Variants in SUSD1 observed in about 807,000 individuals in gnomAD.
SUSD1 encodes the protein sushi domain containing 1, also known as sushi domain-containing protein 1.
A neutral mutation model predicts 86.9 loss-of-function variants in SUSD1; 65 were observed. That is an observed-to-expected ratio of 0.75 (90% confidence interval 0.61 to 0.92). The LOEUF is 0.92. SUSD1 is among the 40% of genes least tolerant of loss of function. The pLI, the probability that SUSD1 is intolerant of heterozygous loss-of-function variation, is 0.00. For missense variants in SUSD1, 850 were observed against 929.7 expected (o/e 0.91, Z 1.11); for synonymous variants, 346 against 350.0 (o/e 0.99, Z 0.13).
chr9:112,081,212 G>A (rs1380917473), intron 10 of SUSD1, among the ~76,000 whole-genome samples: 1 of 152,208 alleles, frequency 6.6e-6, no homozygotes, highest in Non-Finnish European at 1.5e-5. Context: ...TGATTAACGA[G>A]TGATAAAGAC....
intron 5 of SUSD1, among the ~76,000 whole-genome samples, chr9:112,127,556 T>A (rs1414430701): frequency 4.7e-5 from 7 of 150,012 alleles, no homozygotes; most frequent in Non-Finnish European, 7.3e-5. Context: ...AGGGATCCTG[T>A]CTTCCTCTGA....
chr9:112,116,393 A>G (rs1321674375), intron 6 of SUSD1, among the ~76,000 whole-genome samples: 2 of 152,242 alleles, frequency 1.3e-5, no homozygotes, highest in Non-Finnish European at 2.9e-5. Flanking sequence ...TCCTTTATAA[A>G]AGAATCAGAT....
intron 1 of SUSD1, among the ~76,000 whole-genome samples, chr9:112,159,507 C>T (rs1214747573): frequency 2.6e-5 from 4 of 152,040 alleles, no homozygotes; most frequent in Non-Finnish European, 4.4e-5. Context: ...TATCTCAGAC[C>T]GTAAAGACAA....
chr9:112,121,735 T>G (rs1831563699), intron 6 of SUSD1, among the ~76,000 whole-genome samples: 1 of 152,194 alleles, frequency 6.6e-6, no homozygotes, highest in African/African-American at 2.4e-5. Flanking sequence ...GAGATTTCAC[T>G]CTTCAGAGAC....
At chr9:112,161,437 T>A (rs552724562) in intron 1 of SUSD1, among the ~76,000 whole-genome samples, 1 of 151,816 alleles carries the variant, frequency 6.6e-6, no homozygotes, top group South Asian at 2.1e-4. Flanking sequence ...ACTTTCTAAA[T>A]AATGGATCCT....
intron 3 of SUSD1, among the ~76,000 whole-genome samples, chr9:112,143,834 T>C (rs1832690802): frequency 6.6e-6 from 1 of 152,204 alleles, no homozygotes; most frequent in African/African-American, 2.4e-5. Flanking sequence ...ACATAGCAAG[T>C]GCTCAATAAA....
Position 112,078,809 on chromosome 9 carries a change from C to CTGTTTTTTT in SUSD1, c.1567-86_1567-85insAAAAAAACA, listed in dbSNP as rs1554756866. On this transcript the variant is annotated intron_variant, in intron 11 of 16. Coordinates refer to ENST00000374270, the MANE Select transcript of SUSD1 (RefSeq NM_022486.5). ...AAACCTCCCCTTTTCCTTTTTCTTTCTCTTTTTTTTTTTTTTTTTTTGAGA... is the reference window on the plus strand; with the variant it reads ...AAACCTCCCCTTTTCCTTTTTCTTTCTGTTTTTTTTCTTTTTTTTTTTTTTTTTTTGAGA... 53 of 830,164 alleles carry CTGTTTTTTT rather than the reference C, an allele frequency of 6.4e-5. No individual in the cohort carries two copies. In the African/African-American group the frequency reaches 1.2e-3, roughly 18 times the overall value. The allele number at this position is 830,164 out of a possible 1,614,324, so 51.4% of individuals were successfully genotyped here. A position where few individuals can be genotyped will look rare whatever the true frequency, so the allele number is the denominator to read the frequency against.
Position 112,041,491 on chromosome 9 carries a change from A to G in SUSD1, c.*1T>C, listed in dbSNP as rs1431959360. On this transcript the variant is annotated splice_region_variant and 3_prime_UTR_variant, in exon 17 of 17. Coordinates refer to ENST00000374270, the MANE Select transcript of SUSD1 (RefSeq NM_022486.5). ...CCTCCCCACTCAGTGTCCATCTGCC[A>G]TCTAGACATGGAGGAGGAAAAGAAA... 2.6e-6 allele frequency: 2 copies of G among 781,072 alleles called. No individual in the cohort carries two copies. Among genetic ancestry groups the G allele is most frequent in the South Asian group, 2.7e-5 (2 of 74,620 alleles). 48.4% of individuals were successfully genotyped at this position (781,072 alleles called of 1,614,324 possible).
rs749208036 is a variant in SUSD1, at chr9:112,058,678, T to C, written c.1859A>G (p.Gln620Arg). 1.1e-5 allele frequency: 18 copies of C among 1,613,866 alleles called. No individual in the cohort carries two copies. In the East Asian group the frequency reaches 4.0e-4, roughly 36 times the overall value. The change falls in exon 14 of 17, where the codon CAG (glutamine) becomes CGG (arginine). Residue 620 changes from glutamine (Q) to arginine (R), a missense_variant. By Grantham distance (43) the Gln-to-Arg change is conservative. Coordinates refer to ENST00000374270, the MANE Select transcript of SUSD1 (RefSeq NM_022486.5). Reference protein sequence around the residue: ...KEKNGPISSYQVLVLPLALQS... With the variant: ...KEKNGPISSYRVLVLPLALQS... ...GAGGGCCAGGGGAAGCACTAACACC[T>C]GATATGAACTGGAAGAAAAAAGGAG...
intron 14 of SUSD1, among the ~76,000 whole-genome samples, chr9:112,054,641 T>C (rs551812633): frequency 9.2e-4 from 139 of 151,660 alleles, no homozygotes; most frequent in East Asian, 8.7e-3. Flanking sequence ...GATATCTACA[T>C]ATAAAAGAAT....
chr9:112,085,897 C>T (rs1030103637), intron 10 of SUSD1, among the ~76,000 whole-genome samples: 4 of 152,148 alleles, frequency 2.6e-5, no homozygotes, highest in Admixed American at 6.5e-5. Context: ...TGCACCACTG[C>T]ATTCCAGCCT....
intron 5 of SUSD1, among the ~76,000 whole-genome samples, chr9:112,128,699 C>T (rs1803400879): frequency 6.6e-6 from 1 of 152,138 alleles, no homozygotes; most frequent in Admixed American, 6.6e-5. Context: ...GAAGAAATGA[C>T]ACATACATTA....
intron 10 of SUSD1, among the ~76,000 whole-genome samples, chr9:112,087,519 A>G (rs1177475451): frequency 6.6e-6 from 1 of 152,188 alleles, no homozygotes; most frequent in Non-Finnish European, 1.5e-5. Context: ...GGACACAAAA[A>G]ATAGGGAGGA....
At chr9:112,088,731 G>A (rs946063013) in intron 10 of SUSD1, among the ~76,000 whole-genome samples, 13 of 152,178 alleles carry the variant, frequency 8.5e-5, no homozygotes, top group Admixed American at 4.6e-4. Context: ...GTTCAAGGCT[G>A]TTGTGAGCTA....
chr9:112,135,963 C>T (rs553068490), intron 5 of SUSD1, among the ~76,000 whole-genome samples: 4 of 152,188 alleles, frequency 2.6e-5, no homozygotes, highest in African/African-American at 7.2e-5. Flanking sequence ...AAAACTTACA[C>T]GGGTCTTTCT....
chr9:112,067,269 C>A (rs1253956813), intron 12 of SUSD1, among the ~76,000 whole-genome samples: 1 of 152,242 alleles, frequency 6.6e-6, no homozygotes. Flanking sequence ...CCAGGTCTGG[C>A]TGGAAGAATT....
rs76298356 is a variant in SUSD1, at chr9:112,155,107, C to T, written c.217+2393G>A. Among the ~76,000 whole-genome samples, 24 of 151,976 alleles carry T rather than the reference C, an allele frequency of 1.6e-4. No individual in the cohort carries two copies. In the South Asian group the frequency reaches 3.1e-3, roughly 20 times the overall value. On this transcript the variant is annotated intron_variant, in intron 2 of 16. Transcript: ENST00000374270. ...CTCTACTAAAAATACAAAAATTAGCCGGGCGTGGTGGTGCCCGCCTGTAAT... is the reference window on the plus strand; with the variant it reads ...CTCTACTAAAAATACAAAAATTAGCTGGGCGTGGTGGTGCCCGCCTGTAAT...
intron 15 of SUSD1, among the ~76,000 whole-genome samples, chr9:112,048,676 C>G (rs1323694341): frequency 6.6e-6 from 1 of 152,132 alleles, no homozygotes; most frequent in Non-Finnish European, 1.5e-5. Flanking sequence ...ACCCATTGCT[C>G]TAAAATATAG....
At chr9:112,141,358 G>A (rs1832554447) in intron 5 of SUSD1, among the ~76,000 whole-genome samples, 1 of 152,182 alleles carries the variant, frequency 6.6e-6, no homozygotes, top group Non-Finnish European at 1.5e-5. Flanking sequence ...GGCACACAGT[G>A]CCATATGAGT....
Sources: allele counts gnomAD v4.1 joint callset (sites outside exome capture counted in the v4.1 genomes callset), GRCh38; gene constraint gnomAD v4.1.1; transcripts MANE v1.5; gene names NCBI Gene and HGNC (gene_info 2026-07-23, HGNC 2026-07-21).